PCDH15: variants seen among roughly 807,000 people sequenced by gnomAD.
The protein encoded by PCDH15 is protocadherin-15.
PCDH15 carries 129 observed loss-of-function variants against 178.5 expected under a neutral mutation model. The ratio of observed to expected loss-of-function variants is 0.72; its 90% CI spans 0.63 to 0.84. The LOEUF is 0.84. Among genes scored for constraint, PCDH15 ranks in the 40% least tolerant of loss-of-function variants. The pLI, the probability that PCDH15 is intolerant of heterozygous loss-of-function variation, is 0.00. For synonymous variants in PCDH15, 800 were observed against 732.0 expected (o/e 1.09, Z -1.50); for missense variants, 2,230 against 2,099.9 (o/e 1.06, Z -1.21).
intron 1 of PCDH15, among the ~76,000 whole-genome samples, chr10:54,792,922 C>T (rs182403739): frequency 6.6e-6 from 1 of 151,752 alleles, no homozygotes; most frequent in Non-Finnish European, 1.5e-5. Flanking sequence ...TGTACTGAGT[C>T]CCCCATTCCC....
intron 2 of PCDH15, among the ~76,000 whole-genome samples, chr10:55,414,133 T>G (rs532412029): frequency 6.6e-6 from 1 of 151,788 alleles, no homozygotes; most frequent in African/African-American, 2.4e-5. Context: ...TTTAAAATCA[T>G]AAAATTTTTT....
intron 2 of PCDH15, among the ~76,000 whole-genome samples, chr10:55,043,076 T>C (rs1043989069): frequency 7.2e-5 from 11 of 152,266 alleles, no homozygotes; most frequent in East Asian, 1.9e-4. Context: ...TAAAATACCA[T>C]ATGTGTTGCT....
intron 2 of PCDH15, among the ~76,000 whole-genome samples, chr10:54,581,766 G>A (rs2091067396): frequency 6.6e-6 from 1 of 151,976 alleles, no homozygotes; most frequent in Non-Finnish European, 1.5e-5. Flanking sequence ...CAGAAGGAAA[G>A]CTGCACACCT....
chr10:54,397,408 A>G (rs1202888625), intron 3 of PCDH15, among the ~76,000 whole-genome samples: 3 of 151,998 alleles, frequency 2.0e-5, no homozygotes, highest in Admixed American at 6.6e-5. Flanking sequence ...ACTTCCTCCA[A>G]TGCTTTTCCA....
intron 2 of PCDH15, among the ~76,000 whole-genome samples, chr10:54,623,501 A>T (rs1175481523): frequency 6.6e-6 from 1 of 152,120 alleles, no homozygotes; most frequent in African/African-American, 2.4e-5. Context: ...CCATGCTGAG[A>T]AAAATATGAA....
intron 21 of PCDH15, among the ~76,000 whole-genome samples, chr10:53,992,842 G>A (rs1447550269): frequency 6.6e-6 from 1 of 151,996 alleles, no homozygotes; most frequent in African/African-American, 2.4e-5. Context: ...ATTTAGTAGA[G>A]GGAAAAGTTC....
At chr10:54,874,690 A>T (rs1350682388) in intron 3 of PCDH15, among the ~76,000 whole-genome samples, 2 of 152,210 alleles carry the variant, frequency 1.3e-5, no homozygotes. Flanking sequence ...AATTTTATAG[A>T]AGATATAGAA....
chr10:54,777,953 G>A (rs1317708713), intron 1 of PCDH15, among the ~76,000 whole-genome samples: 2 of 152,208 alleles, frequency 1.3e-5, no homozygotes, highest in Non-Finnish European at 2.9e-5. Flanking sequence ...CAGAAGATCA[G>A]TAGAGTTGAG....
chr10:55,605,035 T>C (rs978230030), intron 2 of PCDH15, among the ~76,000 whole-genome samples: 1 of 151,956 alleles, frequency 6.6e-6, no homozygotes, highest in Non-Finnish European at 1.5e-5. Flanking sequence ...AAGAATCAAA[T>C]AGACGCAATA....
intron 2 of PCDH15, among the ~76,000 whole-genome samples, chr10:54,634,262 AC>A (rs1161638981): frequency 5.3e-5 from 8 of 152,200 alleles, no homozygotes; most frequent in African/African-American, 1.9e-4. Context: ...AGAGGATGAA[AC>A]TTTTTATAAG....
At chr10:54,301,731 G>T (rs1436923330) in intron 8 of PCDH15, among the ~76,000 whole-genome samples, 1 of 152,184 alleles carries the variant, frequency 6.6e-6, no homozygotes, top group Non-Finnish European at 1.5e-5. Flanking sequence ...TTCCTCAGGA[G>T]AGACTCAAGT....
intron 3 of PCDH15, among the ~76,000 whole-genome samples, chr10:54,862,328 G>C (rs894260937): frequency 6.6e-6 from 1 of 152,138 alleles, no homozygotes; most frequent in African/African-American, 2.4e-5. Context: ...GCATATGTTG[G>C]TAAAAGTCTG....
chr10:55,549,463 T>A (rs1037511287), intron 2 of PCDH15, among the ~76,000 whole-genome samples: 1 of 152,096 alleles, frequency 6.6e-6, no homozygotes, highest in Non-Finnish European at 1.5e-5. Flanking sequence ...TTAACAAGGC[T>A]CTGTGTCAGC....
chr10:54,856,344 A>G (rs766747386), intron 3 of PCDH15, among the ~76,000 whole-genome samples: 26 of 152,174 alleles, frequency 1.7e-4, no homozygotes, highest in African/African-American at 6.3e-4. Flanking sequence ...AAAAAGCACA[A>G]TATCACTTTC....
intron 13 of PCDH15, among the ~76,000 whole-genome samples, chr10:54,177,283 G>T (rs917189855): frequency 6.6e-6 from 1 of 152,094 alleles, no homozygotes; most frequent in Non-Finnish European, 1.5e-5. Context: ...AGCAAGCAAG[G>T]GGGAGGGAAG....
chr10:54,275,266 C>G (rs2058287879), intron 8 of PCDH15, among the ~76,000 whole-genome samples: 1 of 151,720 alleles, frequency 6.6e-6, no homozygotes, highest in South Asian at 2.1e-4. Context: ...TTCTTATATG[C>G]CAGATTCTGA....
At chr10:54,186,446 C>T (rs1166042232) in intron 11 of PCDH15, among the ~76,000 whole-genome samples, 1 of 151,960 alleles carries the variant, frequency 6.6e-6, no homozygotes, top group Non-Finnish European at 1.5e-5. Context: ...ATTTGATCCA[C>T]AATATACTTG....
intron 20 of PCDH15, among the ~76,000 whole-genome samples, chr10:54,006,031 G>C (rs541550593): frequency 6.6e-6 from 1 of 152,228 alleles, no homozygotes; most frequent in East Asian, 1.9e-4. Flanking sequence ...AAGGTTAAAA[G>C]TATATGAGAG....
chr10:55,127,101 A>G (rs16907001), intron 2 of PCDH15, among the ~76,000 whole-genome samples: 8,841 of 151,942 alleles, frequency 0.058, 436 homozygotes, highest in African/African-American at 0.13. Flanking sequence ...CTAACTGACA[A>G]TCTCACTACT....
Sources: allele counts gnomAD v4.1 joint callset (sites outside exome capture counted in the v4.1 genomes callset), GRCh38; gene constraint gnomAD v4.1.1; transcripts MANE v1.5; gene names NCBI Gene and HGNC (gene_info 2026-07-23, HGNC 2026-07-21).